The following SPATA16 variants were observed in gnomAD, a reference collection of about 807,000 sequenced individuals.
SPATA16 encodes the protein spermatogenesis-associated protein 16.
In SPATA16, 36 loss-of-function variants were observed where a neutral mutation model predicts 63.3. The ratio of observed to expected loss-of-function variants is 0.57; its 90% CI spans 0.44 to 0.75. The LOEUF (loss-of-function observed/expected upper bound fraction) is 0.75. Ranked by LOEUF, SPATA16 falls within the 30% of genes least tolerant of loss-of-function variation. SPATA16 has a pLI of 0.00. For missense variants in SPATA16, 646 were observed against 679.3 expected (o/e 0.95, Z 0.54); for synonymous variants, 203 against 216.7 (o/e 0.94, Z 0.56).
chr3:173,137,333 A>G (rs967558621), intron 1 of SPATA16, among the ~76,000 whole-genome samples: 1 of 152,150 alleles, frequency 6.6e-6, no homozygotes, highest in African/African-American at 2.4e-5. Context: ...TGGAAGAATA[A>G]AAAATATTGC....
intron 3 of SPATA16, 41 bp downstream of exon 3, chr3:173,048,908 A>C: frequency 6.2e-7 from 1 of 1,612,180 alleles, no homozygotes; most frequent in Non-Finnish European, 8.5e-7. Context: ...CTCCACTAGC[A>C]TGAACAGCAT....
chr3:173,061,455 T>G (rs924885460), intron 2 of SPATA16, among the ~76,000 whole-genome samples: 2 of 152,226 alleles, frequency 1.3e-5, no homozygotes, highest in Admixed American at 6.5e-5. Flanking sequence ...ATAGTTATTG[T>G]ACTTTTTAAA....
At chr3:173,035,043 A>T (rs1735683776) in intron 3 of SPATA16, among the ~76,000 whole-genome samples, 1 of 152,160 alleles carries the variant, frequency 6.6e-6, no homozygotes, top group African/African-American at 2.4e-5. Flanking sequence ...TGGAAAGAAT[A>T]CGCTTTCCAG....
At chr3:173,010,343 C>A (rs1425970485) in intron 4 of SPATA16, among the ~76,000 whole-genome samples, 1 of 152,128 alleles carries the variant, frequency 6.6e-6, no homozygotes, top group Non-Finnish European at 1.5e-5. Flanking sequence ...TCCCTGTGAG[C>A]CCCTGCCCTA....
At chr3:172,951,379 T>C (rs1440195457) in intron 6 of SPATA16, among the ~76,000 whole-genome samples, 1 of 152,076 alleles carries the variant, frequency 6.6e-6, no homozygotes, top group Non-Finnish European at 1.5e-5. Flanking sequence ...CCCTCATCAG[T>C]CTCATAGAAA....
At chr3:173,035,188 TA>T (rs146784522) in intron 3 of SPATA16, among the ~76,000 whole-genome samples, 8,713 of 152,126 alleles carry the variant, frequency 0.057, 348 homozygotes, top group Middle Eastern at 0.16. Context: ...AGAGAAATAA[TA>T]AAAATACATA....
intron 2 of SPATA16, among the ~76,000 whole-genome samples, chr3:173,090,155 G>A (rs1205828372): frequency 2.6e-5 from 4 of 152,148 alleles, no homozygotes; most frequent in Admixed American, 2.6e-4. Context: ...TGGATCATGA[G>A]GTCAGATTTC....
At chr3:173,140,507 G>T (rs570989456) in intron 1 of SPATA16, among the ~76,000 whole-genome samples, 4 of 152,120 alleles carry the variant, frequency 2.6e-5, no homozygotes, top group Non-Finnish European at 5.9e-5. Context: ...CGCATTTTAC[G>T]CCAGGCATGA....
At chr3:173,105,706 A>G (rs1577177147) in intron 2 of SPATA16, among the ~76,000 whole-genome samples, 1 of 151,864 alleles carries the variant, frequency 6.6e-6, no homozygotes, top group East Asian at 1.9e-4. Flanking sequence ...TTCACATGCA[A>G]TATATCCAAA....
chr3:172,977,405 T>C (rs893871698), intron 4 of SPATA16, among the ~76,000 whole-genome samples: 2 of 152,144 alleles, frequency 1.3e-5, no homozygotes, highest in East Asian at 1.9e-4. Context: ...TTTTAGGAAC[T>C]TTTAGCTCTT....
At chr3:173,128,187 T>A (rs1738276957) in intron 1 of SPATA16, among the ~76,000 whole-genome samples, 2 of 152,290 alleles carry the variant, frequency 1.3e-5, no homozygotes, top group African/African-American at 4.8e-5. Flanking sequence ...CTCCATTATA[T>A]CCATCCATAA....
chr3:172,991,080 C>T (rs927743332), intron 4 of SPATA16, among the ~76,000 whole-genome samples: 24 of 152,218 alleles, frequency 1.6e-4, no homozygotes, highest in African/African-American at 5.8e-4. Flanking sequence ...GGTGACCATA[C>T]ACCTAGGTTT....
intron 10 of SPATA16, among the ~76,000 whole-genome samples, chr3:172,900,788 A>C (rs899644609): frequency 1.3e-5 from 2 of 151,632 alleles, no homozygotes; most frequent in Admixed American, 1.3e-4. Context: ...TTATAGGCAC[A>C]TGCCACCACG....
chr3:173,072,594 T>C (rs936928020), intron 2 of SPATA16, among the ~76,000 whole-genome samples: 2 of 152,224 alleles, frequency 1.3e-5, no homozygotes, highest in Non-Finnish European at 2.9e-5. Context: ...TCATTCTCTC[T>C]TGTCTGCCAC....
At chr3:172,981,000 A>G (rs1734298294) in intron 4 of SPATA16, among the ~76,000 whole-genome samples, 1 of 152,134 alleles carries the variant, frequency 6.6e-6, no homozygotes, top group African/African-American at 2.4e-5. Flanking sequence ...CAGTACCACT[A>G]ATAGTTTCCG....
In SPATA16 at chr3:173,107,518, T is replaced by G. The variant is rs16846579; in HGVS notation, c.612+9602A>C. On this transcript the variant is annotated intron_variant, in intron 2 of 10. Coordinates refer to ENST00000351008, the MANE Select transcript of SPATA16 (RefSeq NM_031955.6). ...ATTCTCTGATAGAAACAGAATCATCTCTTAGGCGGAAACAAAGTCTTCTCT... is the reference window on the plus strand; with the variant it reads ...ATTCTCTGATAGAAACAGAATCATCGCTTAGGCGGAAACAAAGTCTTCTCT... 6.8e-3 allele frequency among the ~76,000 whole-genome samples: 1,028 copies of G among 151,956 alleles called. 19 individuals carry two copies. In the East Asian group the frequency reaches 0.076, roughly 11 times the overall value.
chr3:173,038,561 T>G (rs943697961), intron 3 of SPATA16, among the ~76,000 whole-genome samples: 1 of 152,050 alleles, frequency 6.6e-6, no homozygotes, highest in African/African-American at 2.4e-5. Flanking sequence ...CCTATTTCAG[T>G]TTTTCACCAC....
intron 6 of SPATA16, among the ~76,000 whole-genome samples, chr3:172,953,494 C>T (rs931577940): frequency 1.3e-5 from 2 of 152,304 alleles, no homozygotes; most frequent in East Asian, 3.9e-4. Flanking sequence ...GAGAGTGGCT[C>T]TAGTTTGGGC....
intron 2 of SPATA16, among the ~76,000 whole-genome samples, chr3:173,080,751 A>C (rs1366252465): frequency 6.6e-6 from 1 of 152,254 alleles, no homozygotes; most frequent in Non-Finnish European, 1.5e-5. Flanking sequence ...ATTAACTTAT[A>C]AAATGCAGGG....
Sources: allele counts gnomAD v4.1 joint callset (sites outside exome capture counted in the v4.1 genomes callset), GRCh38; gene constraint gnomAD v4.1.1; transcripts MANE v1.5; gene names NCBI Gene and HGNC (gene_info 2026-07-23, HGNC 2026-07-21).